The following GPC6 variants were observed in gnomAD, a reference collection of about 807,000 sequenced individuals.
GPC6 encodes the protein glypican-6.
In GPC6, 14 loss-of-function variants were observed where a neutral mutation model predicts 55.2. The observed-to-expected ratio is 0.25, with a 90% confidence interval of 0.17 to 0.40. The LOEUF (loss-of-function observed/expected upper bound fraction) is 0.40, where lower values mean the gene tolerates loss of function less well. Among genes scored for constraint, GPC6 ranks in the 10% least tolerant of loss-of-function variants. The probability of loss-of-function intolerance (pLI) is 1.00; values close to 1 mark genes in which losing one functional copy is unlikely to be tolerated. For synonymous variants in GPC6, 278 were observed against 259.6 expected (o/e 1.07, Z -0.68); for missense variants, 641 against 708.5 (o/e 0.90, Z 1.08).
At chr13:94,087,223 A>G (rs1312257247) in intron 4 of GPC6, among the ~76,000 whole-genome samples, 1 of 152,242 alleles carries the variant, frequency 6.6e-6, no homozygotes, top group African/African-American at 2.4e-5. Context: ...TCTGCCTTTC[A>G]TATTTGGAGA....
chr13:94,149,156 T>C (rs907993716), intron 4 of GPC6, among the ~76,000 whole-genome samples: 5 of 152,212 alleles, frequency 3.3e-5, no homozygotes, highest in African/African-American at 1.2e-4. Flanking sequence ...TTTAGTCATC[T>C]TTGTGTGCCT....
intron 4 of GPC6, among the ~76,000 whole-genome samples, chr13:94,036,392 G>A (rs9584179): frequency 0.023 from 3,514 of 152,060 alleles, 145 homozygotes; most frequent in African/African-American, 0.08. Flanking sequence ...CTCTGAAGAA[G>A]TGAAAATTAG....
At chr13:93,285,638 G>GTGTGTGTGTGTA (rs1555287700) in intron 1 of GPC6, among the ~76,000 whole-genome samples, 34 of 150,670 alleles carry the variant, frequency 2.3e-4, no homozygotes, top group African/African-American at 7.1e-4. Flanking sequence ...GTGTGTGTGT[G>GTGTGTGTGTGTA]TGTGTGTGTG....
intron 1 of GPC6, among the ~76,000 whole-genome samples, chr13:93,318,688 G>C (rs981153757): frequency 1.3e-5 from 2 of 152,062 alleles, no homozygotes; most frequent in Non-Finnish European, 2.9e-5. Context: ...GCAGGGGGAG[G>C]TGCCAACAAG....
chr13:94,372,969 G>T (rs560065122), intron 6 of GPC6, among the ~76,000 whole-genome samples: 2 of 152,030 alleles, frequency 1.3e-5, no homozygotes, highest in African/African-American at 4.8e-5. Context: ...CACCTCACAC[G>T]GCAGGGTATT....
intron 6 of GPC6, among the ~76,000 whole-genome samples, chr13:94,342,372 A>G (rs1241346221): frequency 6.6e-6 from 1 of 152,126 alleles, no homozygotes; most frequent in African/African-American, 2.4e-5. Context: ...TCCTAATAAG[A>G]AGGGAATTTG....
intron 6 of GPC6, among the ~76,000 whole-genome samples, chr13:94,350,075 T>TGTGTGTGTGTGTGTG (rs1878467183): frequency 2.7e-5 from 4 of 150,050 alleles, no homozygotes; most frequent in African/African-American, 9.8e-5. Flanking sequence ...TATATATCTT[T>TGTGTGTGTGTGTGTG]TGTGTGTGTG....
At chr13:94,186,756 T>C (rs1260430231) in intron 4 of GPC6, 1 of 152,242 alleles carries the variant, frequency 6.6e-6, no homozygotes, top group Admixed American at 6.5e-5. Flanking sequence ...TTAAATATGC[T>C]ATCTTCTTTG....
At chr13:93,801,926 C>T (rs1886385145) in intron 2 of GPC6, among the ~76,000 whole-genome samples, 1 of 152,138 alleles carries the variant, frequency 6.6e-6, no homozygotes, top group Non-Finnish European at 1.5e-5. Flanking sequence ...CTTCATTCTT[C>T]CTGTTAATGT....
At chr13:93,438,927 A>G (rs920741383) in intron 1 of GPC6, among the ~76,000 whole-genome samples, 1 of 152,120 alleles carries the variant, frequency 6.6e-6, no homozygotes, top group African/African-American at 2.4e-5. Flanking sequence ...AGCCACCTCA[A>G]TGTCCAGCAA....
At chr13:94,239,184 C>T (rs772631454) in intron 4 of GPC6, among the ~76,000 whole-genome samples, 1 of 151,914 alleles carries the variant, frequency 6.6e-6, no homozygotes, top group East Asian at 1.9e-4. Flanking sequence ...ATTTAGGGGG[C>T]CCTTCTCGGT....
At chr13:93,436,282 A>G (rs976478104) in intron 1 of GPC6, among the ~76,000 whole-genome samples, 1 of 152,216 alleles carries the variant, frequency 6.6e-6, no homozygotes, top group African/African-American at 2.4e-5. Context: ...TCTCAGTGGT[A>G]AAAGTGAAAA....
intron 4 of GPC6, among the ~76,000 whole-genome samples, chr13:94,173,745 T>C (rs1001481534): frequency 6.6e-6 from 1 of 152,196 alleles, no homozygotes; most frequent in African/African-American, 2.4e-5. Flanking sequence ...TTTAAAAGCA[T>C]GTTTTGATTC....
chr13:94,364,676 G>C (rs1424082268), intron 6 of GPC6, among the ~76,000 whole-genome samples: 1 of 152,022 alleles, frequency 6.6e-6, no homozygotes, highest in East Asian at 1.9e-4. Context: ...GCAGGACCAC[G>C]TCCCTTAAAT....
At chr13:94,107,982 T>G (rs1886117091) in intron 4 of GPC6, among the ~76,000 whole-genome samples, 1 of 152,162 alleles carries the variant, frequency 6.6e-6, no homozygotes, top group African/African-American at 2.4e-5. Flanking sequence ...AGTGTGGACA[T>G]TCCTTAAATA....
At chr13:93,246,230 A>G (rs1212311094) in intron 1 of GPC6, among the ~76,000 whole-genome samples, 1 of 152,178 alleles carries the variant, frequency 6.6e-6, no homozygotes, top group African/African-American at 2.4e-5. Context: ...TGAATTAAAG[A>G]TATAGCATAA....
At chr13:93,751,898 A>G (rs1163526007) in intron 2 of GPC6, among the ~76,000 whole-genome samples, 1 of 151,828 alleles carries the variant, frequency 6.6e-6, no homozygotes, top group Non-Finnish European at 1.5e-5. Flanking sequence ...TTGTTCTCTC[A>G]CTTAAATTCC....
rs181340493 is a variant in GPC6 at position 94,078,197 on chromosome 13, C to T, written c.877+50303C>T. 5.6e-3 allele frequency among the ~76,000 whole-genome samples: 855 copies of T among 151,758 alleles called. 4 individuals carry two copies. The highest frequency in any genetic ancestry group is 9.7e-3 in the Non-Finnish European group (654 of 67,702). ...ACCAAGAAGAAATCAAAAGGCAAAT[C>T]CAAAAATATCTTGAAACTGTGAAAA... On this transcript the variant is annotated intron_variant, in intron 4 of 8. Transcript: ENST00000377047.
intron 2 of GPC6, among the ~76,000 whole-genome samples, chr13:93,810,378 A>G (rs1886659940): frequency 1.3e-5 from 2 of 152,150 alleles, no homozygotes; most frequent in South Asian, 2.1e-4. Flanking sequence ...CCCAAATGAG[A>G]TAATAGAGGT....
Sources: allele counts gnomAD v4.1 joint callset (sites outside exome capture counted in the v4.1 genomes callset), GRCh38; gene constraint gnomAD v4.1.1; transcripts MANE v1.5; gene names NCBI Gene and HGNC (gene_info 2026-07-23, HGNC 2026-07-21).